The following AHCYL2 variants were observed in gnomAD, a reference collection of about 807,000 sequenced individuals.
AHCYL2 encodes the protein S-adenosylhomocysteine hydrolase-like protein 2.
In AHCYL2, 28 loss-of-function variants were observed where a neutral mutation model predicts 81.4. The observed-to-expected ratio is 0.34, with a 90% CI of 0.25 to 0.47. The LOEUF (loss-of-function observed/expected upper bound fraction) is 0.47, where lower values mean the gene tolerates loss of function less well. AHCYL2 is among the 20% of genes least tolerant of loss of function. The pLI is 1.00. For missense variants in AHCYL2, 551 were observed against 785.1 expected (o/e 0.70, Z 3.56); for synonymous variants, 272 against 290.2 (o/e 0.94, Z 0.64).
At chr7:129,298,407 G>C (rs1018373493) in intron 1 of AHCYL2, among the ~76,000 whole-genome samples, 1 of 152,142 alleles carries the variant, frequency 6.6e-6, no homozygotes, top group African/African-American at 2.4e-5. Flanking sequence ...CGTTACAACT[G>C]GTATCAAATT....
At chr7:129,364,747 T>A (rs1794047599) in intron 1 of AHCYL2, among the ~76,000 whole-genome samples, 1 of 152,212 alleles carries the variant, frequency 6.6e-6, no homozygotes, top group Non-Finnish European at 1.5e-5. Context: ...CCTAAAAGTT[T>A]CATTATAATG....
intron 1 of AHCYL2, among the ~76,000 whole-genome samples, chr7:129,311,749 T>C (rs1284586506): frequency 2.0e-5 from 3 of 152,208 alleles, no homozygotes. Context: ...GATTATTGCA[T>C]AGCCTTCCAG....
At chr7:129,226,007 T>C (rs1460653554) in intron 1 of AHCYL2, among the ~76,000 whole-genome samples, 1 of 152,176 alleles carries the variant, frequency 6.6e-6, no homozygotes, top group East Asian at 1.9e-4. Context: ...TGCGATATTC[T>C]CTCTTCCCTG....
intron 1 of AHCYL2, among the ~76,000 whole-genome samples, chr7:129,258,520 C>T (rs1421213465): frequency 1.4e-5 from 2 of 147,120 alleles, no homozygotes; most frequent in Admixed American, 1.4e-4. Context: ...CTTCTTTGAT[C>T]TGTTACCCAT....
chr7:129,232,250 CTCTG>C (rs1379991136), intron 1 of AHCYL2, among the ~76,000 whole-genome samples: 4 of 152,210 alleles, frequency 2.6e-5, no homozygotes, highest in African/African-American at 4.8e-5. Context: ...TGTCAGGAAT[CTCTG>C]TCTTAGTATT....
intron 1 of AHCYL2, among the ~76,000 whole-genome samples, chr7:129,277,633 TATA>T (rs1796272080): frequency 6.6e-6 from 1 of 152,188 alleles, no homozygotes; most frequent in Non-Finnish European, 1.5e-5. Context: ...ATCTGCTTCA[TATA>T]ATAATAGAGT....
At chr7:129,331,488 A>G (rs1054229757) in intron 1 of AHCYL2, among the ~76,000 whole-genome samples, 9 of 152,170 alleles carry the variant, frequency 5.9e-5, no homozygotes, top group Non-Finnish European at 1.3e-4. Flanking sequence ...AGAAGTGTAA[A>G]ATTGATGCAA....
intron 2 of AHCYL2, 26 bp from the exon 3 acceptor site, chr7:129,389,030 G>A (rs372217666): frequency 8.7e-5 from 138 of 1,580,426 alleles, no homozygotes; most frequent in Non-Finnish European, 1.1e-4. Context: ...TTTTTTTTCC[G>A]AGTGTTTTTT....
At chr7:129,288,247 G>A (rs1025066442) in intron 1 of AHCYL2, among the ~76,000 whole-genome samples, 1 of 151,940 alleles carries the variant, frequency 6.6e-6, no homozygotes, top group African/African-American at 2.4e-5. Flanking sequence ...AGTCATTTGT[G>A]TTGGCAGAAT....
At chr7:129,347,410 TTCTC>T (rs1286411008) in intron 1 of AHCYL2, among the ~76,000 whole-genome samples, 6 of 152,160 alleles carry the variant, frequency 3.9e-5, no homozygotes, top group Non-Finnish European at 7.4e-5. Flanking sequence ...GGAACTCTCT[TTCTC>T]CTCAATTTTG....
At chr7:129,238,908 C>T (rs1794734149) in intron 1 of AHCYL2, among the ~76,000 whole-genome samples, 1 of 152,036 alleles carries the variant, frequency 6.6e-6, no homozygotes, top group South Asian at 2.1e-4. Flanking sequence ...GCTGAGATGG[C>T]ACCACTGCAC....
At chr7:129,230,046 C>T (rs1048488167) in intron 1 of AHCYL2, among the ~76,000 whole-genome samples, 15 of 145,120 alleles carry the variant, frequency 1.0e-4, no homozygotes, top group Non-Finnish European at 1.8e-4. Flanking sequence ...AGGCATTGTA[C>T]TTAGAGCTTT....
rs1309750138 is a variant in AHCYL2, at chr7:129,425,053, G to T, written c.1630-10G>T. ...ATGGCACATCAGCATCCATCTCTCT[G>T]CTTTTCTAGGCTCTTGCCTTGATAG... On this transcript the variant is annotated splice_polypyrimidine_tract_variant and intron_variant, in intron 14 of 16. Coordinates refer to ENST00000325006, the MANE Select transcript of AHCYL2 (RefSeq NM_015328.4). 1.2e-6 allele frequency: 2 copies of T among 1,613,764 alleles called. No homozygotes were observed. The highest frequency in any genetic ancestry group is 8.5e-7 in the Non-Finnish European group (1 of 1,179,918).
intron 2 of AHCYL2, among the ~76,000 whole-genome samples, chr7:129,383,113 A>G (rs1379710486): frequency 2.6e-5 from 4 of 151,912 alleles, no homozygotes; most frequent in African/African-American, 9.7e-5. Flanking sequence ...CATATATACA[A>G]CTGCCTGCTG....
chr7:129,411,738 A>C (rs1228822346), intron 11 of AHCYL2, among the ~76,000 whole-genome samples: 1 of 151,202 alleles, frequency 6.6e-6, no homozygotes, highest in East Asian at 2.0e-4. Flanking sequence ...CAGCCTGGGC[A>C]ACAAGAGTGA....
intron 1 of AHCYL2, among the ~76,000 whole-genome samples, chr7:129,236,213 T>A (rs1274244394): frequency 2.6e-5 from 4 of 151,926 alleles, no homozygotes; most frequent in African/African-American, 9.7e-5. Context: ...TTTTAATTTT[T>A]TTTTTTTGAG....
intron 1 of AHCYL2, among the ~76,000 whole-genome samples, chr7:129,353,245 G>T (rs1256641845): frequency 6.6e-6 from 1 of 152,128 alleles, no homozygotes; most frequent in Non-Finnish European, 1.5e-5. Flanking sequence ...ACCATGCCCG[G>T]CCATTCTTTA....
At chr7:129,342,246 C>G (rs1377846340) in intron 1 of AHCYL2, among the ~76,000 whole-genome samples, 1 of 152,076 alleles carries the variant, frequency 6.6e-6, no homozygotes, top group Non-Finnish European at 1.5e-5. Flanking sequence ...CACCAGAAAC[C>G]CAAGTCTTCT....
At chr7:129,411,759 CAA>C (rs34771912) in intron 11 of AHCYL2, among the ~76,000 whole-genome samples, 13 of 107,358 alleles carry the variant, frequency 1.2e-4, no homozygotes, top group Admixed American at 9.0e-5. Context: ...AACTCCTTCT[CAA>C]AAAAAAAAAA....
Sources: gnomAD v4.1 joint callset for allele counts (sites outside exome capture counted in the v4.1 genomes callset) on GRCh38, gnomAD v4.1.1 for gene constraint, MANE v1.5 for transcripts, NCBI Gene and HGNC (gene_info 2026-07-23, HGNC 2026-07-21) for gene names.